ZNF431: variants seen among roughly 807,000 people sequenced by gnomAD.
The protein encoded by ZNF431 is zinc finger protein 431.
A neutral mutation model predicts 57.0 loss-of-function variants in ZNF431; 34 were observed. That is an observed-to-expected ratio of 0.60 (90% CI 0.45 to 0.79). The LOEUF (loss-of-function observed/expected upper bound fraction) is 0.79, where lower values mean the gene tolerates loss of function less well. Ranked by LOEUF, ZNF431 falls within the 30% of genes least tolerant of loss-of-function variation. The pLI is 0.00. For missense variants in ZNF431, 607 were observed against 667.1 expected, an observed-to-expected ratio of 0.91 and a Z score of 0.99; for synonymous variants, 207 against 220.3, an observed-to-expected ratio of 0.94 and a Z score of 0.54.
intron 2 of ZNF431, among the ~76,000 whole-genome samples, chr19:21,158,868 G>A (rs1200015898): frequency 2.6e-5 from 4 of 152,092 alleles, no homozygotes; most frequent in African/African-American, 9.7e-5. Flanking sequence ...TTGAATAGGA[G>A]TTTTGAGGGA....
intron 2 of ZNF431, among the ~76,000 whole-genome samples, chr19:21,145,704 G>C (rs1970067142): frequency 6.6e-6 from 1 of 152,090 alleles, no homozygotes; most frequent in African/African-American, 2.4e-5. Flanking sequence ...CTAGGCTTTG[G>C]AATATCAAAG....
intron 2 of ZNF431, chr19:21,149,871 GTCCTAGTCTT>G: frequency 1.6e-6 from 1 of 643,590 alleles, no homozygotes; most frequent in Non-Finnish European, 2.9e-6. Flanking sequence ...TGGACTAGAC[GTCCTAGTCTT>G]ACCTTCCCCT....
intron 2 of ZNF431, among the ~76,000 whole-genome samples, chr19:21,149,081 C>G (rs992370731): frequency 6.6e-6 from 1 of 152,202 alleles, no homozygotes; most frequent in East Asian, 1.9e-4. Flanking sequence ...AAACATCCCT[C>G]TTTTTAAATA....
chr19:21,168,745 C>T (rs905784002), intron 4 of ZNF431, among the ~76,000 whole-genome samples: 2 of 151,814 alleles, frequency 1.3e-5, no homozygotes, highest in Admixed American at 1.3e-4. Flanking sequence ...AGATTTTTTA[C>T]CTTCTTCGTT....
At chr19:21,159,513 C>T (rs945674220) in intron 2 of ZNF431, among the ~76,000 whole-genome samples, 2 of 152,090 alleles carry the variant, frequency 1.3e-5, no homozygotes, top group African/African-American at 4.8e-5. Context: ...GCTGGGACTA[C>T]AGGCCTGGGC....
At chr19:21,172,369 A>G (rs1260722289) in intron 4 of ZNF431, among the ~76,000 whole-genome samples, 1 of 151,072 alleles carries the variant, frequency 6.6e-6, no homozygotes, top group Non-Finnish European at 1.5e-5. Flanking sequence ...CAGAGGTTGC[A>G]GTGAGCCGAG....
intron 2 of ZNF431, among the ~76,000 whole-genome samples, chr19:21,154,706 G>A (rs1041918106): frequency 5.7e-4 from 87 of 152,012 alleles, no homozygotes; most frequent in African/African-American, 2.0e-3. Flanking sequence ...TTTAATGATC[G>A]CCATTCTAAC....
In ZNF431 at chr19:21,195,496, A is replaced by G. The variant is rs568148930; in HGVS notation, c.*11462A>G. ...CGATTGAATAGTTGGGCTTTGGCTAATTCCTCATTAGCAATAGAATTATGT... is the reference window on the plus strand; with the variant it reads ...CGATTGAATAGTTGGGCTTTGGCTAGTTCCTCATTAGCAATAGAATTATGT... On this transcript the variant is annotated 3_prime_UTR_variant, in exon 5 of 5. Transcript: ENST00000311048. The G allele has an allele frequency of 6.6e-6, 1 of 152,342 alleles. No individual in the cohort carries two copies. Among genetic ancestry groups the G allele is most frequent in the South Asian group, 2.1e-4 (1 of 4,824 alleles). The allele number at this position is 152,342 out of a possible 1,614,324, so 9.4% of individuals were successfully genotyped here.
In ZNF431 at chr19:21,189,343, G is replaced by T. The variant is rs555279842; in HGVS notation, c.*5309G>T. On this transcript the variant is annotated 3_prime_UTR_variant, in exon 5 of 5. Transcript: ENST00000311048. ...CTACTAAAAATACAAAATAAGCAGC[G>T]TGTGGTGACACATGCCTGTAATCCA... 2 of 152,170 alleles carry T rather than the reference G, an allele frequency of 1.3e-5. No individual in the cohort carries two copies. The highest frequency in any genetic ancestry group is 4.1e-4 in the South Asian group (2 of 4,824). The allele number at this position is 152,170 out of a possible 1,614,324, so 9.4% of individuals were successfully genotyped here. A position where few individuals can be genotyped will look rare whatever the true frequency, so the allele number is the denominator to read the frequency against.
chr19:21,169,965 T>C (rs944269686), intron 4 of ZNF431: 4 of 397,368 alleles, frequency 1.0e-5, no homozygotes, highest in African/African-American at 8.2e-5. Context: ...AGACTGTAAC[T>C]GGGAGGAGTT....
At position 21,189,995 on chromosome 19, in the gene ZNF431, CAACAA is replaced by C. The variant is rs1971473504; in HGVS notation, c.*5969_*5973del. On this transcript the variant is annotated 3_prime_UTR_variant, in exon 5 of 5. Coordinates refer to ENST00000311048, the MANE Select transcript of ZNF431 (RefSeq NM_133473.4). ...CCCATCTCTACTAAAAATACAAAAA[CAACAA>C]AACAAAAACAAAAAACACCTCAGCT... The C allele has an allele frequency of 2.5e-6, 1 of 395,038 alleles. No homozygotes were observed. Among genetic ancestry groups the C allele is most frequent in the East Asian group, 3.6e-5 (1 of 27,920 alleles). The allele number at this position is 395,038 out of a possible 1,614,324, so 24.5% of individuals were successfully genotyped here. A position where few individuals can be genotyped will look rare whatever the true frequency, so the allele number is the denominator to read the frequency against.
chr19:21,175,620 T>C (rs1172751246), intron 4 of ZNF431: 6 of 506,326 alleles, frequency 1.2e-5, no homozygotes, highest in South Asian at 9.1e-5. Context: ...TTTCCCTCCA[T>C]ATGTCCATGT....
chr19:21,158,837 G>C (rs889552904), intron 2 of ZNF431, among the ~76,000 whole-genome samples: 3 of 151,958 alleles, frequency 2.0e-5, no homozygotes, highest in African/African-American at 7.3e-5. Context: ...GATTGCTTTG[G>C]CCAGGACTTC....
chr19:21,159,076 T>C (rs1182971532), intron 2 of ZNF431, among the ~76,000 whole-genome samples: 1 of 152,224 alleles, frequency 6.6e-6, no homozygotes, highest in Non-Finnish European at 1.5e-5. Flanking sequence ...GAGATAATCT[T>C]GTGGGTTTTG....
At position 21,189,116 on chromosome 19, in the gene ZNF431, CTG is replaced by C. The variant is rs1476012030; in HGVS notation, c.*5084_*5085del. The C allele has an allele frequency of 7.9e-5, 12 of 152,070 alleles. No individual in the cohort carries two copies. The highest frequency in any genetic ancestry group is 2.4e-4 in the African/African-American group (10 of 41,398). The allele number at this position is 152,070 out of a possible 1,614,324, so 9.4% of individuals were successfully genotyped here. On this transcript the variant is annotated 3_prime_UTR_variant, in exon 5 of 5. Coordinates refer to ENST00000311048, the MANE Select transcript of ZNF431 (RefSeq NM_133473.4). ...AATATTTTAATGTGACAGGTAGAAT[CTG>C]TACTTTTTCTGTAGAACGTAATATT...
Position 21,142,156 on chromosome 19 carries a change from G to C in ZNF431, c.-28G>C, listed in dbSNP as rs1348167774. 48 of 1,612,490 alleles carry C rather than the reference G, an allele frequency of 3.0e-5. No individual in the cohort carries two copies. The highest frequency in any genetic ancestry group is 4.0e-5 in the Non-Finnish European group (47 of 1,179,052). On this transcript the variant is annotated 5_prime_UTR_variant, in exon 1 of 5. Transcript: ENST00000311048. ...CAGGTATTGGGAGACCCACAGCTAA[G>C]ACACCGGGACCCCCTGAAAGCCTAG...
At chr19:21,167,407 T>C (rs1254499720) in intron 3 of ZNF431, among the ~76,000 whole-genome samples, 164 bp from the exon 4 acceptor site, 1 of 152,108 alleles carries the variant, frequency 6.6e-6, no homozygotes, top group East Asian at 1.9e-4. Context: ...GATCTGTCCG[T>C]CTCGGCCTCC....
chr19:21,185,652 G>C lies in ZNF431; in HGVS notation c.*1618G>C, dbSNP rs556436438. The C allele has an allele frequency of 1.3e-5, 2 of 152,014 alleles. No individual in the cohort carries two copies. The highest frequency in any genetic ancestry group is 2.9e-5 in the Non-Finnish European group (2 of 68,040). The allele number at this position is 152,014 out of a possible 1,614,324, so 9.4% of individuals were successfully genotyped here. ...ATTTGTGTATTTCTAGTAGAGATGG[G>C]GTTTCACCATATTGGCCAAGCTGGT... On this transcript the variant is annotated 3_prime_UTR_variant, in exon 5 of 5. Transcript: ENST00000311048.
rs1971296467 is a variant in ZNF431, at chr19:21,184,052, C to G, written c.*18C>G. The G allele has an allele frequency of 6.5e-7, 1 of 1,536,040 alleles. No homozygotes were observed. Among genetic ancestry groups the G allele is most frequent in the Non-Finnish European group, 8.7e-7 (1 of 1,148,056 alleles). ...GCCTTTAAGCAGTCCTCAACTCTTA[C>G]TAAGCATTAAATATTGGCCGGGTGC... is the stretch of plus-strand genomic sequence containing the variant. On this transcript the variant is annotated 3_prime_UTR_variant, in exon 5 of 5. Coordinates refer to ENST00000311048, the MANE Select transcript of ZNF431 (RefSeq NM_133473.4).
Sources: gnomAD v4.1 joint callset for allele counts (sites outside exome capture counted in the v4.1 genomes callset) on GRCh38, gnomAD v4.1.1 for gene constraint, MANE v1.5 for transcripts, NCBI Gene and HGNC (gene_info 2026-07-23, HGNC 2026-07-21) for gene names.